EDA: variants seen among roughly 807,000 people sequenced by gnomAD.
EDA encodes the protein ectodysplasin A.
Under a neutral mutation model 23.6 loss-of-function variants are expected in EDA, and 2 were observed. The ratio of observed to expected loss-of-function variants is 0.08; its 90% CI spans 0.03 to 0.27. The LOEUF (loss-of-function observed/expected upper bound fraction) is 0.27, where lower values mean the gene tolerates loss of function less well. EDA is among the 10% of genes least tolerant of loss of function. EDA has a pLI of 1.00. For missense variants in EDA, 229 were observed against 324.2 expected, an observed-to-expected ratio of 0.71 and a Z score of 2.26; for synonymous variants, 131 against 132.0, an observed-to-expected ratio of 0.99 and a Z score of 0.05.
intron 1 of EDA, among the ~76,000 whole-genome samples, chrX:69,903,579 G>GCA (rs58725900): frequency 0.21 from 21,362 of 102,804 alleles, 1,820 homozygotes; most frequent in African/African-American, 0.24. Flanking sequence ...GGCCCCCTCC[G>GCA]CACACACACA....
intron 1 of EDA, among the ~76,000 whole-genome samples, chrX:69,949,281 A>G (rs947767530): frequency 2.7e-5 from 3 of 112,121 alleles, no homozygotes; most frequent in Admixed American, 1.9e-4. Flanking sequence ...AACATTAGCT[A>G]TGCAAGACCC....
At chrX:69,941,007 C>T (rs2018749864) in intron 1 of EDA, among the ~76,000 whole-genome samples, 1 of 110,998 alleles carries the variant, frequency 9.0e-6, no homozygotes, top group Admixed American at 9.5e-5. Context: ...TTTTAATTTC[C>T]TTCTTAGTTT....
chrX:69,983,663 C>T (rs1256723477), intron 2 of EDA, among the ~76,000 whole-genome samples: 2 of 58,157 alleles, frequency 3.4e-5, no homozygotes, highest in Non-Finnish European at 6.1e-5. Context: ...GAGGGTAACC[C>T]GACGTTTCTC....
intron 1 of EDA, among the ~76,000 whole-genome samples, chrX:69,672,837 G>A (rs1933947933): frequency 1.9e-5 from 2 of 106,343 alleles, no homozygotes; most frequent in East Asian, 3.0e-4. Flanking sequence ...AGCCGAGATT[G>A]CGCCACTGCA....
intron 1 of EDA, chrX:69,860,975 C>A: frequency 1.9e-6 from 1 of 514,652 alleles, no homozygotes; most frequent in South Asian, 2.5e-5. Context: ...CTGGCGTCAT[C>A]TAGTCAGCCA....
At chrX:69,851,112 C>T (rs2017114500) in intron 1 of EDA, among the ~76,000 whole-genome samples, 1 of 110,352 alleles carries the variant, frequency 9.1e-6, no homozygotes, top group Non-Finnish European at 1.9e-5. Flanking sequence ...AATTATAAAT[C>T]TTCAAACATT....
chrX:69,929,985 C>T (rs2018576380), intron 1 of EDA, among the ~76,000 whole-genome samples: 1 of 109,919 alleles, frequency 9.1e-6, no homozygotes, highest in Admixed American at 9.7e-5. Context: ...GTACCCCAAG[C>T]AGAGTTAACA....
Position 69,957,099 on chromosome X carries a change from A to G in EDA, c.469A>G (p.Asn157Asp), listed in dbSNP as rs374824991. The change falls in exon 2 of 8, where the codon AAT (asparagine) becomes GAT (aspartate). Residue 157 changes from asparagine (N) to aspartate (D), a missense_variant. Transcript: ENST00000374552. ...AGAAGAAAGTAGGCGTGTTCGCCGC[A>G]ATAAAAGAAGCAAAAGCAATGAAGG... is the stretch of plus-strand genomic sequence containing the variant. ...SEEESRRVRR[N>D]KRSKSNEGAD... is the part of the protein sequence containing the mutation. 7.6e-5 allele frequency: 92 copies of G among 1,210,406 alleles called. No individual in the cohort carries two copies. The highest frequency in any genetic ancestry group is 9.8e-5 in the Non-Finnish European group (88 of 895,130).
chrX:69,947,749 G>C (rs774813898), intron 1 of EDA, among the ~76,000 whole-genome samples: 1 of 112,131 alleles, frequency 8.9e-6, no homozygotes, highest in African/African-American at 3.2e-5. Flanking sequence ...CCAAGTAGAT[G>C]TGATATCTGT....
At chrX:69,703,912 C>G (rs1237746248) in intron 1 of EDA, among the ~76,000 whole-genome samples, 2 of 112,101 alleles carry the variant, frequency 1.8e-5, no homozygotes, top group African/African-American at 6.5e-5. Flanking sequence ...TGTTGTTAAT[C>G]TCTTACTGTG....
At chrX:69,825,617 C>T (rs2016400385) in intron 1 of EDA, among the ~76,000 whole-genome samples, 1 of 113,337 alleles carries the variant, frequency 8.8e-6, no homozygotes, top group Non-Finnish European at 1.9e-5. Context: ...TGCTAGTGGT[C>T]TATCAATTTT....
At chrX:69,778,663 A>G (rs943692864) in intron 1 of EDA, among the ~76,000 whole-genome samples, 5 of 111,706 alleles carry the variant, frequency 4.5e-5, no homozygotes, top group African/African-American at 1.3e-4. Flanking sequence ...TATACATAGC[A>G]TAAGAGGTCT....
chrX:69,756,377 T>C (rs1418964754), intron 1 of EDA, among the ~76,000 whole-genome samples: 1 of 111,999 alleles, frequency 8.9e-6, no homozygotes, highest in Non-Finnish European at 1.9e-5. Flanking sequence ...CAAGTGGTGC[T>C]TTATGAGAAT....
intron 2 of EDA, among the ~76,000 whole-genome samples, chrX:70,009,953 G>A (rs1449259100): frequency 8.9e-6 from 1 of 112,018 alleles, no homozygotes; most frequent in Non-Finnish European, 1.9e-5. Flanking sequence ...TTAATTTTTA[G>A]TGTAATTCCA....
At chrX:69,996,433 A>G (rs1471110030) in intron 2 of EDA, among the ~76,000 whole-genome samples, 5 of 112,248 alleles carry the variant, frequency 4.5e-5, no homozygotes, top group Non-Finnish European at 9.4e-5. Context: ...AACAAGATCC[A>G]TAAACAAGGA....
chrX:69,791,067 T>C (rs1478222059), intron 1 of EDA, among the ~76,000 whole-genome samples: 1 of 111,465 alleles, frequency 9.0e-6, no homozygotes, highest in Non-Finnish European at 1.9e-5. Flanking sequence ...TTATGAAAAA[T>C]TCAAACATAT....
chrX:69,903,925 C>G (rs1320494590), intron 1 of EDA, among the ~76,000 whole-genome samples: 1 of 110,305 alleles, frequency 9.1e-6, no homozygotes, highest in Non-Finnish European at 1.9e-5. Context: ...ATTCTCCTGC[C>G]TCAGTCTCCC....
chrX:69,713,022 A>G (rs1235125036), intron 1 of EDA, among the ~76,000 whole-genome samples: 1 of 93,768 alleles, frequency 1.1e-5, no homozygotes, highest in Non-Finnish European at 2.1e-5. Flanking sequence ...ATGAGAACAC[A>G]TGGACACAGG....
chrX:69,854,551 A>G (rs2017205135), intron 1 of EDA, among the ~76,000 whole-genome samples: 1 of 111,549 alleles, frequency 9.0e-6, no homozygotes, highest in Admixed American at 9.5e-5. Context: ...AGATAAGAAC[A>G]TGTGATATTT....
Sources: allele counts gnomAD v4.1 joint callset (sites outside exome capture counted in the v4.1 genomes callset), GRCh38; gene constraint gnomAD v4.1.1; transcripts MANE v1.5; gene names NCBI Gene and HGNC (gene_info 2026-07-23, HGNC 2026-07-21).